Variants in PCLO observed in about 807,000 individuals in gnomAD.
PCLO encodes the protein protein piccolo.
PCLO carries 82 observed loss-of-function variants against 427.5 expected under a neutral mutation model. The observed-to-expected ratio is 0.19, with a 90% CI of 0.16 to 0.23. The LOEUF is 0.23. Among genes scored for constraint, PCLO ranks in the 10% least tolerant of loss-of-function variants. PCLO has a pLI of 1.00. For missense variants in PCLO, 6,239 were observed against 6,115.9 expected, an observed-to-expected ratio of 1.02 and a Z score of -0.67; for synonymous variants, 2,357 against 2,155.4, an observed-to-expected ratio of 1.09 and a Z score of -2.59.
At chr7:83,122,873 C>T (rs1035229693) in intron 3 of PCLO, among the ~76,000 whole-genome samples, 3 of 151,968 alleles carry the variant, frequency 2.0e-5, no homozygotes, top group Non-Finnish European at 4.4e-5. Context: ...AAGAAAGTAA[C>T]TTTTTTTACA....
At chr7:82,813,071 C>T (rs1791606104) in intron 20 of PCLO, among the ~76,000 whole-genome samples, 1 of 151,676 alleles carries the variant, frequency 6.6e-6, no homozygotes, top group South Asian at 2.1e-4. Flanking sequence ...AGAATGCTGT[C>T]CTTAAATGGA....
At chr7:83,079,765 T>A (rs542628677) in intron 3 of PCLO, among the ~76,000 whole-genome samples, 7 of 152,132 alleles carry the variant, frequency 4.6e-5, no homozygotes, top group African/African-American at 1.7e-4. Flanking sequence ...TGTGCAGGTT[T>A]GTTACATAGG....
chr7:82,980,496 T>G (rs997491588), intron 3 of PCLO, among the ~76,000 whole-genome samples: 2 of 152,112 alleles, frequency 1.3e-5, no homozygotes, highest in Non-Finnish European at 2.9e-5. Context: ...GGAAAGAATA[T>G]GATAAAGAAA....
At chr7:82,899,377 A>G (rs73171363) in intron 9 of PCLO, among the ~76,000 whole-genome samples, 7 of 151,584 alleles carry the variant, frequency 4.6e-5, no homozygotes, top group Middle Eastern at 6.8e-3. Flanking sequence ...ACTTCCAGAC[A>G]TTGTCAAAGA....
chr7:82,929,675 T>C (rs1654961807), intron 6 of PCLO, among the ~76,000 whole-genome samples: 2 of 152,176 alleles, frequency 1.3e-5, no homozygotes, highest in Non-Finnish European at 2.9e-5. Flanking sequence ...TACACTCATA[T>C]ATTTCTCAAG....
intron 15 of PCLO, among the ~76,000 whole-genome samples, chr7:82,837,880 T>A (rs1191586830): frequency 6.6e-6 from 1 of 151,986 alleles, no homozygotes; most frequent in African/African-American, 2.4e-5. Context: ...TTTGGGAAGG[T>A]AAGCCAATTC....
chr7:83,107,986 TAAAAAA>T (rs58192300), intron 3 of PCLO, among the ~76,000 whole-genome samples: 2 of 95,400 alleles, frequency 2.1e-5, no homozygotes, highest in African/African-American at 3.5e-5. Flanking sequence ...AGACTCCGTC[TAAAAAA>T]AAAAAAAAAA....
intron 3 of PCLO, among the ~76,000 whole-genome samples, chr7:83,024,523 T>A (rs1788434548): frequency 1.3e-5 from 2 of 151,938 alleles, no homozygotes; most frequent in African/African-American, 2.4e-5. Flanking sequence ...GCAGCCAGGC[T>A]GGGGGAGGGG....
intron 3 of PCLO, among the ~76,000 whole-genome samples, chr7:83,005,154 G>A (rs370482033): frequency 1.3e-5 from 2 of 151,432 alleles, no homozygotes; most frequent in African/African-American, 2.4e-5. Flanking sequence ...CAGCTTTTGG[G>A]TATATATTAA....
intron 6 of PCLO, among the ~76,000 whole-genome samples, chr7:82,935,600 T>C (rs945018759): frequency 2.0e-5 from 3 of 151,702 alleles, no homozygotes; most frequent in Admixed American, 1.3e-4. Context: ...TTAATAAACT[T>C]AACTACATTT....
chr7:82,841,756 C>A (rs963030193), intron 13 of PCLO, among the ~76,000 whole-genome samples: 1 of 152,000 alleles, frequency 6.6e-6, no homozygotes. Context: ...TTTATACCAG[C>A]AGTATTTTCA....
intron 3 of PCLO, among the ~76,000 whole-genome samples, chr7:83,027,367 A>T (rs1440544316): frequency 6.6e-6 from 1 of 152,178 alleles, no homozygotes; most frequent in East Asian, 1.9e-4. Context: ...AGAAATGGAT[A>T]AATTCCTCGA....
At chr7:82,972,013 C>A (rs571074911) in intron 3 of PCLO, among the ~76,000 whole-genome samples, 1 of 151,604 alleles carries the variant, frequency 6.6e-6, no homozygotes, top group Non-Finnish European at 1.5e-5. Flanking sequence ...CAGAGGCCTC[C>A]AAATTATGAG....
chr7:83,099,161 A>G (rs1280271538), intron 3 of PCLO, among the ~76,000 whole-genome samples: 1 of 150,908 alleles, frequency 6.6e-6, no homozygotes, highest in Non-Finnish European at 1.5e-5. Context: ...GACAAAGGAA[A>G]GTCATTGAAC....
chr7:82,768,343 A>T (rs1790576075), intron 22 of PCLO, among the ~76,000 whole-genome samples: 1 of 152,004 alleles, frequency 6.6e-6, no homozygotes, highest in South Asian at 2.1e-4. Context: ...GAATTGCCTG[A>T]ACCTGGGAGG....
chr7:83,086,497 AC>A (rs1464739671), intron 3 of PCLO, among the ~76,000 whole-genome samples: 3 of 152,004 alleles, frequency 2.0e-5, no homozygotes, highest in African/African-American at 4.8e-5. Flanking sequence ...GAAAAAAAAA[AC>A]ATTTCCTAAG....
intron 3 of PCLO, among the ~76,000 whole-genome samples, chr7:83,075,093 C>A (rs1270892838): frequency 3.9e-5 from 6 of 152,068 alleles, no homozygotes; most frequent in African/African-American, 1.4e-4. Context: ...CCCTTAGAGA[C>A]CCTTGCTGAA....
chr7:82,800,543 A>T (rs1791324481), intron 22 of PCLO, among the ~76,000 whole-genome samples: 1 of 152,132 alleles, frequency 6.6e-6, no homozygotes, highest in Non-Finnish European at 1.5e-5. Context: ...GAATAGTTAA[A>T]TGTATAGAGA....
At chr7:83,124,760 CT>C (rs984178587) in intron 3 of PCLO, among the ~76,000 whole-genome samples, 2 of 152,102 alleles carry the variant, frequency 1.3e-5, no homozygotes, top group East Asian at 1.9e-4. Flanking sequence ...CGGTCTCCCC[CT>C]CTCCCTCGTC....
Sources: allele counts gnomAD v4.1 joint callset (sites outside exome capture counted in the v4.1 genomes callset), GRCh38; gene constraint gnomAD v4.1.1; transcripts MANE v1.5; gene names NCBI Gene and HGNC (gene_info 2026-07-23, HGNC 2026-07-21).